The following RUNDC3B variants were observed in gnomAD, a reference collection of about 807,000 sequenced individuals.
RUNDC3B encodes the protein RUN domain-containing protein 3B.
A neutral mutation model predicts 58.4 loss-of-function variants in RUNDC3B; 33 were observed. The ratio of observed to expected loss-of-function variants is 0.56; its 90% CI spans 0.43 to 0.75. RUNDC3B has a LOEUF of 0.75. Ranked by LOEUF, RUNDC3B falls within the 30% of genes least tolerant of loss-of-function variation. The pLI, the probability that RUNDC3B is intolerant of heterozygous loss-of-function variation, is 0.00. For missense variants in RUNDC3B, 501 were observed against 535.7 expected, an observed-to-expected ratio of 0.94 and a Z score of 0.64; for synonymous variants, 193 against 195.2, an observed-to-expected ratio of 0.99 and a Z score of 0.10.
At chr7:87,714,366 G>A (rs942025298) in intron 4 of RUNDC3B, among the ~76,000 whole-genome samples, 3 of 152,162 alleles carry the variant, frequency 2.0e-5, no homozygotes, top group Non-Finnish European at 4.4e-5. Context: ...GTAGGTTAGT[G>A]AGGGATTTAG....
At chr7:87,652,646 A>ATATAT (rs1563105075) in intron 2 of RUNDC3B, among the ~76,000 whole-genome samples, 7 of 147,196 alleles carry the variant, frequency 4.8e-5, no homozygotes, top group African/African-American at 1.3e-4. Context: ...ATATATATAT[A>ATATAT]GTAGGAAGTA....
intron 7 of RUNDC3B, among the ~76,000 whole-genome samples, chr7:87,775,813 G>T (rs890592626): frequency 1.3e-5 from 2 of 152,070 alleles, no homozygotes; most frequent in Admixed American, 1.3e-4. Context: ...GGAACAATAG[G>T]CTATACCATC....
chr7:87,676,981 T>C (rs939687337), intron 2 of RUNDC3B, among the ~76,000 whole-genome samples: 1 of 151,904 alleles, frequency 6.6e-6, no homozygotes, highest in Non-Finnish European at 1.5e-5. Flanking sequence ...AGATAACAAG[T>C]GTTGGCAAGG....
chr7:87,830,015 C>T lies in RUNDC3B; in HGVS notation c.1356C>T (p.Gly452=). 6.3e-7 allele frequency: 1 copy of T among 1,577,342 alleles called. No homozygotes were observed. Among genetic ancestry groups the T allele is most frequent in the Non-Finnish European group, 8.6e-7 (1 of 1,166,022 alleles). The change falls in exon 11 of 11, where the codon GGC becomes GGT. Residue 452 remains glycine (G), a synonymous_variant. Coordinates refer to ENST00000394654, the MANE Select transcript of RUNDC3B (RefSeq NM_001134405.2). ...ASPTTEMTSP[G]LTPS Reference sequence around the variant, plus strand: ...CTACAACAGAGATGACAAGTCCAGGCCTAACTCCATCCTGAAAATTTTTGT... The same window carrying T: ...CTACAACAGAGATGACAAGTCCAGGTCTAACTCCATCCTGAAAATTTTTGT...
intron 7 of RUNDC3B, among the ~76,000 whole-genome samples, chr7:87,777,038 C>G (rs1834674147): frequency 6.6e-6 from 1 of 151,966 alleles, no homozygotes; most frequent in South Asian, 2.1e-4. Context: ...AAATTTAGTA[C>G]AAAGGGTTTG....
Position 87,641,363 on chromosome 7 carries a change from T to C in RUNDC3B, c.123-9459T>C, listed in dbSNP as rs533619578. ...CTAGTGTTCATCTTCCTCCATAAGATTGAGTAGCAGCTGATTGCTTTCATC... is the reference window on the plus strand; with the variant it reads ...CTAGTGTTCATCTTCCTCCATAAGACTGAGTAGCAGCTGATTGCTTTCATC... On this transcript the variant is annotated intron_variant, in intron 1 of 10. Transcript: ENST00000394654. 3.0e-4 allele frequency among the ~76,000 whole-genome samples: 45 copies of C among 152,296 alleles called. 1 individual carries two copies. The highest frequency in any genetic ancestry group is 9.4e-4 in the African/African-American group (39 of 41,566).
intron 10 of RUNDC3B, among the ~76,000 whole-genome samples, chr7:87,829,486 C>T (rs1197789764): frequency 6.6e-6 from 1 of 152,158 alleles, no homozygotes; most frequent in East Asian, 1.9e-4. Flanking sequence ...TCAACTTTGT[C>T]AAACATCAGA....
chr7:87,643,232 T>A (rs952242975), intron 1 of RUNDC3B, among the ~76,000 whole-genome samples: 1 of 152,212 alleles, frequency 6.6e-6, no homozygotes, highest in Non-Finnish European at 1.5e-5. Flanking sequence ...ATTTTTAAGT[T>A]GATTTTTACA....
chr7:87,656,616 TAG>T (rs1563108356), intron 2 of RUNDC3B, among the ~76,000 whole-genome samples: 1 of 152,062 alleles, frequency 6.6e-6, no homozygotes, highest in African/African-American at 2.4e-5. Flanking sequence ...AGAAAGACGT[TAG>T]AGGATACTCA....
At chr7:87,801,725 T>G (rs1327004606) in intron 8 of RUNDC3B, among the ~76,000 whole-genome samples, 1 of 152,164 alleles carries the variant, frequency 6.6e-6, no homozygotes, top group African/African-American at 2.4e-5. Flanking sequence ...ACTGAGATTG[T>G]GCCACTGCAC....
chr7:87,670,523 G>T (rs1825717510), intron 2 of RUNDC3B, among the ~76,000 whole-genome samples: 1 of 152,128 alleles, frequency 6.6e-6, no homozygotes, highest in Non-Finnish European at 1.5e-5. Flanking sequence ...GAATGGGTGT[G>T]GTCATTTGGA....
In RUNDC3B at chr7:87,799,760, G is replaced by A. The variant is rs575594394; in HGVS notation, c.957-7613G>A. Among the ~76,000 whole-genome samples the A allele has an allele frequency of 8.6e-5, 13 of 151,906 alleles. No homozygotes were observed. The East Asian group carries it at 1.9e-3, about 23-fold the overall frequency. On this transcript the variant is annotated intron_variant, in intron 8 of 10. Transcript: ENST00000394654. ...AAATTAGCTGGGCATGGTGGCGTGT[G>A]CCTGTAGTCCCAGCTACTCAGGAGG...
At chr7:87,702,142 C>CAAAA (rs146127516) in intron 3 of RUNDC3B, among the ~76,000 whole-genome samples, 742 of 16,756 alleles carry the variant, frequency 0.044, 204 homozygotes, top group East Asian at 0.058. Context: ...GACTCTGTCT[C>CAAAA]AAAAAAAAAA....
chr7:87,767,888 T>C (rs1034639816), intron 6 of RUNDC3B, among the ~76,000 whole-genome samples: 3 of 152,136 alleles, frequency 2.0e-5, no homozygotes, highest in Non-Finnish European at 4.4e-5. Flanking sequence ...ACACTATCTT[T>C]ATCTCTAGGC....
intron 2 of RUNDC3B, among the ~76,000 whole-genome samples, chr7:87,651,184 A>G (rs910576689): frequency 2.0e-5 from 3 of 152,196 alleles, no homozygotes; most frequent in South Asian, 4.1e-4. Flanking sequence ...ATAAGTAATT[A>G]AAATAAAAGC....
chr7:87,727,585 A>G (rs1197726597), intron 4 of RUNDC3B, among the ~76,000 whole-genome samples: 2 of 146,162 alleles, frequency 1.4e-5, no homozygotes, highest in African/African-American at 5.5e-5. Context: ...GTCATTAGCT[A>G]CATTTTTTTC....
chr7:87,829,904 A>T lies in RUNDC3B; in HGVS notation c.1245A>T (p.Ser415=). 6.2e-7 allele frequency: 1 copy of T among 1,604,382 alleles called. No homozygotes were observed. The highest frequency in any genetic ancestry group is 2.2e-5 in the East Asian group (1 of 44,622). The part of the protein sequence containing the change: ...VMSEGKEDTP[S]LLGLCGSLTS... ...TTTCAGGTAAGGAAGATACTCCCTCATTACTTGGCCTCTGTGGATCTCTAA... is the reference window on the plus strand; with the variant it reads ...TTTCAGGTAAGGAAGATACTCCCTCTTTACTTGGCCTCTGTGGATCTCTAA... Residue 415 remains serine, a synonymous_variant, in exon 11 of 11, where the codon TCA becomes TCT. Coordinates refer to ENST00000394654, the MANE Select transcript of RUNDC3B (RefSeq NM_001134405.2).
intron 4 of RUNDC3B, among the ~76,000 whole-genome samples, chr7:87,735,104 T>A (rs1831848881): frequency 1.3e-5 from 2 of 152,136 alleles, no homozygotes; most frequent in South Asian, 2.1e-4. Context: ...ATATACTAAT[T>A]TTTTTTCCCC....
At chr7:87,762,625 T>A (rs1456804986) in intron 6 of RUNDC3B, among the ~76,000 whole-genome samples, 4 of 151,572 alleles carry the variant, frequency 2.6e-5, no homozygotes, top group Non-Finnish European at 4.4e-5. Flanking sequence ...TAGTATATTC[T>A]TATCTTTTTA....
Sources: allele counts gnomAD v4.1 joint callset (sites outside exome capture counted in the v4.1 genomes callset), GRCh38; gene constraint gnomAD v4.1.1; transcripts MANE v1.5; gene names NCBI Gene and HGNC (gene_info 2026-07-23, HGNC 2026-07-21).